The following IL1RL1 variants were observed in gnomAD, a reference collection of about 807,000 sequenced individuals.
IL1RL1 encodes interleukin 1 receptor like 1.
Under a neutral mutation model 50.9 loss-of-function variants are expected in IL1RL1, and 32 were observed. The ratio of observed to expected loss-of-function variants is 0.63; its 90% CI spans 0.47 to 0.84. The LOEUF (loss-of-function observed/expected upper bound fraction) is 0.84. Among genes scored for constraint, IL1RL1 ranks in the 40% least tolerant of loss-of-function variants. The pLI is 0.00. For missense variants in IL1RL1, 773 were observed against 662.9 expected (o/e 1.17, Z -1.82); for synonymous variants, 275 against 236.0 (o/e 1.17, Z -1.51).
rs1677652138 is a variant in IL1RL1, at chr2:102,343,347, A to C, written c.902A>C (p.Tyr301Ser). Reference protein sequence around the residue: ...DVKEEDLLLQYDCLALNLHGL... With the variant: ...DVKEEDLLLQSDCLALNLHGL... ...AAGGAAGAGGATTTATTGCTGCAGTACGACTGTCTGGCCCTGAATTTGCAT... is the reference window on the plus strand; with the variant it reads ...AAGGAAGAGGATTTATTGCTGCAGTCCGACTGTCTGGCCCTGAATTTGCAT... The change falls in exon 8 of 11, where the codon TAC (tyrosine) becomes TCC (serine). Residue 301 changes from tyrosine to serine, a missense_variant. By Grantham distance (144) the Tyr-to-Ser change is moderately radical (BLOSUM62 -2). Coordinates refer to ENST00000233954, the MANE Select transcript of IL1RL1 (RefSeq NM_016232.5). 3 of 1,614,220 alleles carry C rather than the reference A, an allele frequency of 1.9e-6. No homozygotes were observed. The highest frequency in any genetic ancestry group is 3.3e-5 in the Admixed American group (2 of 60,024).
chr2:102,339,083 G>T (rs780421174), intron 3 of IL1RL1, 36 bp downstream of exon 3: 2 of 1,481,838 alleles, frequency 1.3e-6, no homozygotes, highest in Non-Finnish European at 1.9e-6. Context: ...CTTTCACCCT[G>T]CTCCCCTTTC....
chr2:102,336,079 C>T (rs1206480185), intron 1 of IL1RL1, among the ~76,000 whole-genome samples: 1 of 152,108 alleles, frequency 6.6e-6, no homozygotes, highest in Non-Finnish European at 1.5e-5. Context: ...AAGAGTAGTC[C>T]CAGCCCCCAT....
chr2:102,351,776 C>T lies in IL1RL1; in HGVS notation c.1526C>T (p.Thr509Ile). Residue 509 changes from threonine to isoleucine, a missense_variant, in exon 11 of 11, where the codon ACC becomes ATC. Coordinates refer to ENST00000233954, the MANE Select transcript of IL1RL1 (RefSeq NM_016232.5). ...CAGCATCTTATGAAAGTACAGGGGACCATCAAGTGGAGGGAGGACCACATT... is the reference window on the plus strand; with the variant it reads ...CAGCATCTTATGAAAGTACAGGGGATCATCAAGTGGAGGGAGGACCACATT... The part of the protein sequence containing the change: ...SLQHLMKVQG[T>I]IKWREDHIAN... The T allele has an allele frequency of 6.2e-7, 1 of 1,614,002 alleles. No individual in the cohort carries two copies. Among genetic ancestry groups the T allele is most frequent in the Non-Finnish European group, 8.5e-7 (1 of 1,179,962 alleles).
Position 102,349,071 on chromosome 2 carries a change from A to C in IL1RL1, c.1118-8A>C. The stretch of plus-strand genomic sequence containing the variant: ...GTAAGAAGTTGTACTTCTTGTTTTC[A>C]TTTTCAGATGGAAAGCTCTATGATG... On this transcript the variant is annotated splice_region_variant and splice_polypyrimidine_tract_variant and intron_variant, in intron 9 of 10. Coordinates refer to ENST00000233954, the MANE Select transcript of IL1RL1 (RefSeq NM_016232.5). The C allele has an allele frequency of 6.2e-7, 1 of 1,610,996 alleles. No homozygotes were observed. Among genetic ancestry groups the C allele is most frequent in the Non-Finnish European group, 8.5e-7 (1 of 1,177,578 alleles).
At chr2:102,312,005 A>ATATATATTTATATATAAATATAT (rs1676521919) in intron 1 of IL1RL1, among the ~76,000 whole-genome samples, 1 of 21,608 alleles carries the variant, frequency 4.6e-5, no homozygotes, top group African/African-American at 3.2e-4. Flanking sequence ...TAATATATTT[A>ATATATATTTATATATAAATATAT]TATATATTAT....
chr2:102,343,505 C>T, intron 8 of IL1RL1, 90 bp downstream of exon 8: 1 of 1,609,508 alleles, frequency 6.2e-7, no homozygotes, highest in Non-Finnish European at 8.5e-7. Flanking sequence ...TCCATCAAGA[C>T]AATGGGAATG....
intron 1 of IL1RL1, among the ~76,000 whole-genome samples, chr2:102,331,411 A>G (rs995646618): frequency 3.9e-5 from 6 of 152,244 alleles, no homozygotes; most frequent in African/African-American, 1.4e-4. Flanking sequence ...ATGGTCTAAA[A>G]TATTAGTCTT....
intron 1 of IL1RL1, among the ~76,000 whole-genome samples, chr2:102,314,938 A>G (rs572386667): frequency 6.6e-6 from 1 of 152,196 alleles, no homozygotes; most frequent in East Asian, 1.9e-4. Context: ...TGGGTGCTGG[A>G]AGATTCTGAG....
intron 1 of IL1RL1, chr2:102,313,242 G>A (rs1193643264): frequency 6.6e-6 from 1 of 152,122 alleles, no homozygotes; most frequent in Non-Finnish European, 1.5e-5. Flanking sequence ...GGGTGTAAGT[G>A]TTTAGTGCAT....
chr2:102,350,630 T>C (rs1677901171), intron 10 of IL1RL1, among the ~76,000 whole-genome samples: 1 of 152,262 alleles, frequency 6.6e-6, no homozygotes, highest in Admixed American at 6.5e-5. Flanking sequence ...CCAGTGGCCC[T>C]GGGTGGCTGA....
At chr2:102,352,080 G>A (rs1677952743), downstream of IL1RL1, 4 of 734,988 alleles carry the variant, frequency 5.4e-6, no homozygotes, top group Non-Finnish European at 8.5e-6. Context: ...CTGCTTCTGG[G>A]TGGATGCAAA....
intron 1 of IL1RL1, among the ~76,000 whole-genome samples, chr2:102,331,721 A>G (rs17695648): frequency 0.083 from 12,637 of 152,194 alleles, 584 homozygotes; most frequent in Middle Eastern, 0.31. Context: ...TAAAAGCTTT[A>G]TTTTTTGAAT....
chr2:102,349,447 A>G (rs1410304152), intron 10 of IL1RL1, among the ~76,000 whole-genome samples: 1 of 152,142 alleles, frequency 6.6e-6, no homozygotes, highest in Non-Finnish European at 1.5e-5. Context: ...TGAGATCTTC[A>G]CAGTAATGTT....
intron 1 of IL1RL1, among the ~76,000 whole-genome samples, chr2:102,327,653 TA>T (rs1348698443): frequency 6.6e-6 from 1 of 151,850 alleles, no homozygotes; most frequent in Non-Finnish European, 1.5e-5. Flanking sequence ...ATAGACGCAA[TA>T]AAAAATGACA....
intron 10 of IL1RL1, among the ~76,000 whole-genome samples, chr2:102,350,144 C>T (rs1677887846): frequency 6.6e-6 from 1 of 152,216 alleles, no homozygotes; most frequent in Admixed American, 6.5e-5. Context: ...TCTCTCAAGG[C>T]TCTCTTCTTC....
chr2:102,328,185 G>A (rs1677068555), intron 1 of IL1RL1, among the ~76,000 whole-genome samples: 1 of 152,204 alleles, frequency 6.6e-6, no homozygotes, highest in South Asian at 2.1e-4. Context: ...TCTCTGGGAT[G>A]CAAGGCTGGT....
In IL1RL1 at chr2:102,349,076, C is replaced by A. The variant is rs1274481442; in HGVS notation, c.1118-3C>A. The A allele has an allele frequency of 3.7e-6, 6 of 1,610,936 alleles. No individual in the cohort carries two copies. Among genetic ancestry groups the A allele is most frequent in the Non-Finnish European group, 5.1e-6 (6 of 1,177,600 alleles). On this transcript the variant is annotated splice_region_variant and splice_polypyrimidine_tract_variant and intron_variant, in intron 9 of 10. Coordinates refer to ENST00000233954, the MANE Select transcript of IL1RL1 (RefSeq NM_016232.5). ...AAGTTGTACTTCTTGTTTTCATTTTCAGATGGAAAGCTCTATGATGCTTAT... is the reference window on the plus strand; with the variant it reads ...AAGTTGTACTTCTTGTTTTCATTTTAAGATGGAAAGCTCTATGATGCTTAT...
chr2:102,352,334 T>C (rs1259328190), downstream of IL1RL1, among the ~76,000 whole-genome samples: 1 of 133,214 alleles, frequency 7.5e-6, no homozygotes, highest in Non-Finnish European at 1.6e-5. Flanking sequence ...AGAATGTCAG[T>C]TGTAAATCTT....
At chr2:102,336,293 G>A (rs1214059702) in intron 1 of IL1RL1, among the ~76,000 whole-genome samples, 1 of 152,148 alleles carries the variant, frequency 6.6e-6, no homozygotes, top group Non-Finnish European at 1.5e-5. Context: ...GTGCCTCAGT[G>A]TCCTTGTCTG....
Sources: gnomAD v4.1 joint callset for allele counts (sites outside exome capture counted in the v4.1 genomes callset) on GRCh38, gnomAD v4.1.1 for gene constraint, MANE v1.5 for transcripts, NCBI Gene and HGNC (gene_info 2026-07-23, HGNC 2026-07-21) for gene names.